TLL2: variants seen among roughly 807,000 people sequenced by gnomAD.
TLL2 encodes tolloid-like protein 2.
A neutral mutation model predicts 123.0 loss-of-function variants in TLL2; 106 were observed. The ratio of observed to expected loss-of-function variants is 0.86; its 90% CI spans 0.74 to 1.01. The LOEUF (loss-of-function observed/expected upper bound fraction) is 1.01. Ranked by LOEUF, TLL2 falls within the 50% of genes least tolerant of loss-of-function variation. The pLI is 0.00. For synonymous variants in TLL2, 494 were observed against 516.8 expected (o/e 0.96, Z 0.60); for missense variants, 1,332 against 1,336.7 (o/e 1.00, Z 0.06).
chr10:96,474,205 G>T (rs778731765), intron 2 of TLL2, among the ~76,000 whole-genome samples: 1 of 152,178 alleles, frequency 6.6e-6, no homozygotes, highest in South Asian at 2.1e-4. Context: ...CTTTCTTGCC[G>T]CCTTGCCCCC....
Position 96,432,850 on chromosome 10 carries a change from C to T in TLL2, c.477G>A (p.Trp159Ter), listed in dbSNP as rs1256229099. Residue 159 changes from tryptophan (W) to a stop codon, truncating the protein, a stop_gained, in exon 4 of 21, where the codon TGG becomes TGA. Transcript: ENST00000357947. LOFTEE classifies it high-confidence loss of function. ...RATTSRTERI[W>*]PGGVIPYVIG... ...TGACGTAGGGGATGACTCCTCCAGG[C>T]CATATCCTCTCTGTCCTTGAGGTTG... 1.2e-6 allele frequency: 2 copies of T among 1,614,122 alleles called. No homozygotes were observed. Among genetic ancestry groups the T allele is most frequent in the Non-Finnish European group, 1.7e-6 (2 of 1,180,012 alleles).
chr10:96,486,868 C>T (rs1271767767), intron 1 of TLL2, among the ~76,000 whole-genome samples: 2 of 152,214 alleles, frequency 1.3e-5, no homozygotes, highest in Non-Finnish European at 2.9e-5. Flanking sequence ...GAAACTCCTC[C>T]CACACTGTCC....
intron 17 of TLL2, among the ~76,000 whole-genome samples, chr10:96,377,867 C>T (rs993649013): frequency 6.6e-6 from 1 of 152,210 alleles, no homozygotes; most frequent in Non-Finnish European, 1.5e-5. Flanking sequence ...GTTGCTCTGA[C>T]ACCCCCTGCT....
chr10:96,470,738 A>G (rs550331693), intron 2 of TLL2, among the ~76,000 whole-genome samples: 1 of 152,332 alleles, frequency 6.6e-6, no homozygotes, highest in African/African-American at 2.4e-5. Flanking sequence ...CTGTATGCTC[A>G]CCAACAGCTT....
chr10:96,480,330 G>T lies in TLL2; in HGVS notation c.286+19C>A. ...CATCCCTCCCATCTGGGCAGGAGAA[G>T]GGAGGAAGCAGTACCTACCTGTGCT... is the stretch of plus-strand genomic sequence containing the variant. On this transcript the variant is annotated intron_variant, in intron 2 of 20. Coordinates refer to ENST00000357947, the MANE Select transcript of TLL2 (RefSeq NM_012465.4). 1 of 1,604,772 alleles carries T rather than the reference G, an allele frequency of 6.2e-7. No homozygotes were observed. The highest frequency in any genetic ancestry group is 8.5e-7 in the Non-Finnish European group (1 of 1,171,476).
intron 1 of TLL2, among the ~76,000 whole-genome samples, chr10:96,499,211 C>A (rs1847508057): frequency 6.6e-6 from 1 of 152,190 alleles, no homozygotes; most frequent in Non-Finnish European, 1.5e-5. Context: ...CCACTGGCAC[C>A]AACCCTCCAG....
At chr10:96,380,447 G>GGCA (rs1330219194) in intron 16 of TLL2, among the ~76,000 whole-genome samples, 4 of 152,098 alleles carry the variant, frequency 2.6e-5, no homozygotes, top group Non-Finnish European at 5.9e-5. Flanking sequence ...GGGAGGCCAA[G>GGCA]GCAGGCGGAT....
chr10:96,421,807 A>G (rs1846626928), intron 6 of TLL2, among the ~76,000 whole-genome samples: 1 of 152,206 alleles, frequency 6.6e-6, no homozygotes, highest in African/African-American at 2.4e-5. Context: ...ACTGCACTCC[A>G]GCCTGGGCAG....
intron 1 of TLL2, among the ~76,000 whole-genome samples, chr10:96,480,894 G>T (rs1242459049): frequency 6.6e-6 from 1 of 152,182 alleles, no homozygotes; most frequent in Non-Finnish European, 1.5e-5. Context: ...CTGCCCCATT[G>T]GTGTCAGGAT....
chr10:96,367,810 C>T lies in TLL2; in HGVS notation c.*278G>A, dbSNP rs971644130. 1 of 346,116 alleles carries T rather than the reference C, an allele frequency of 2.9e-6. No homozygotes were observed. Among genetic ancestry groups the T allele is most frequent in the Non-Finnish European group, 5.4e-6 (1 of 183,858 alleles). 21.4% of individuals were successfully genotyped at this position (346,116 alleles called of 1,614,324 possible). ...AGGAGAATGGTATGAAGAAGCATAG[C>T]CGGAATGGTCAGTGACTTCAATCCT... On this transcript the variant is annotated 3_prime_UTR_variant, in exon 21 of 21. Transcript: ENST00000357947.
At chr10:96,413,721 G>T (rs1410113476) in intron 7 of TLL2, among the ~76,000 whole-genome samples, 1 of 152,146 alleles carries the variant, frequency 6.6e-6, no homozygotes, top group Non-Finnish European at 1.5e-5. Context: ...GCCACCCCAG[G>T]GAGAGCTTGG....
chr10:96,383,171 G>A (rs945896960), intron 16 of TLL2, among the ~76,000 whole-genome samples: 2 of 152,216 alleles, frequency 1.3e-5, no homozygotes, highest in African/African-American at 2.4e-5. Context: ...AGCACCACAT[G>A]CCACGCTAAG....
At chr10:96,421,186 C>T (rs1846617473) in intron 6 of TLL2, 125 bp from the exon 7 acceptor site, 3 of 696,286 alleles carry the variant, frequency 4.3e-6, no homozygotes, top group South Asian at 3.4e-5. Flanking sequence ...AGTCAAATAA[C>T]AGGGCTTGTA....
At chr10:96,455,223 C>CGAG (rs1589426633) in intron 2 of TLL2, among the ~76,000 whole-genome samples, 1 of 150,808 alleles carries the variant, frequency 6.6e-6, no homozygotes, top group Non-Finnish European at 1.5e-5. Context: ...AGTGAGACTC[C>CGAG]GCCTCAAAAA....
intron 1 of TLL2, among the ~76,000 whole-genome samples, chr10:96,482,460 G>C (rs544692900): frequency 1.3e-5 from 2 of 152,116 alleles, no homozygotes; most frequent in Admixed American, 1.3e-4. Context: ...TGAACACAAC[G>C]TGGCATATCT....
At chr10:96,383,307 T>C (rs1211928888) in intron 16 of TLL2, among the ~76,000 whole-genome samples, 1 of 152,232 alleles carries the variant, frequency 6.6e-6, no homozygotes, top group Non-Finnish European at 1.5e-5. Context: ...CCTGTTCATG[T>C]GTGATATGGT....
chr10:96,386,990 A>G lies in TLL2; in HGVS notation c.1815T>C (p.Pro605=). The part of the protein sequence containing the change: ...TLGSYKCACD[P]GYELAADKKM... ...TCTTATCGGCGGCCAGCTCGTAGCCAGGGTCACAGGCACACTTGTAGCTGC... is the reference window on the plus strand; with the variant it reads ...TCTTATCGGCGGCCAGCTCGTAGCCGGGGTCACAGGCACACTTGTAGCTGC... Residue 605 remains proline, a synonymous_variant, in exon 14 of 21, where the codon CCT becomes CCC. Transcript: ENST00000357947. 1 of 1,614,136 alleles carries G rather than the reference A, an allele frequency of 6.2e-7. No individual in the cohort carries two copies.
At chr10:96,437,710 A>T (rs913590851) in intron 3 of TLL2, among the ~76,000 whole-genome samples, 3 of 152,224 alleles carry the variant, frequency 2.0e-5, no homozygotes, top group Admixed American at 6.5e-5. Flanking sequence ...CTGGAGATTC[A>T]TCTAAGTTGT....
chr10:96,388,438 T>C (rs1310562690), intron 13 of TLL2, among the ~76,000 whole-genome samples: 1 of 152,142 alleles, frequency 6.6e-6, no homozygotes, highest in East Asian at 1.9e-4. Flanking sequence ...AATCTTGAAA[T>C]AACTCTTTAC....
Sources: allele counts gnomAD v4.1 joint callset (sites outside exome capture counted in the v4.1 genomes callset), GRCh38; gene constraint gnomAD v4.1.1; transcripts MANE v1.5; gene names NCBI Gene and HGNC (gene_info 2026-07-23, HGNC 2026-07-21).